Variants in RNF213 observed in about 807,000 individuals in gnomAD.
RNF213 encodes the protein ring finger protein 213.
Under a neutral mutation model 514.4 loss-of-function variants are expected in RNF213, and 341 were observed. The observed-to-expected ratio is 0.66, with a 90% CI of 0.61 to 0.73. RNF213 has a LOEUF of 0.73. Among genes scored for constraint, RNF213 ranks in the 30% least tolerant of loss-of-function variants. The probability of loss-of-function intolerance (pLI) is 0.00; values close to 1 mark genes in which losing one functional copy is unlikely to be tolerated. For missense variants in RNF213, 5,767 were observed against 6,615.6 expected (o/e 0.87, Z 4.45); for synonymous variants, 2,655 against 2,658.2 (o/e 1.00, Z 0.04).
Position 80,383,818 on chromosome 17 carries a change from T to C in RNF213, c.14212T>C (p.Ser4738Pro). 6.2e-7 allele frequency: 1 copy of C among 1,614,066 alleles called. No individual in the cohort carries two copies. The highest frequency in any genetic ancestry group is 1.1e-5 in the South Asian group (1 of 91,076). ...HLPRKSVVHC[S>P]KIWSCRKRIT... Reference sequence around the variant, plus strand: ...GCCCCGGAAAAGTGTGGTCCATTGCTCTAAGATTTGGAGCTGCAGGAAAAG... The same window carrying C: ...GCCCCGGAAAAGTGTGGTCCATTGCCCTAAGATTTGGAGCTGCAGGAAAAG... Residue 4738 changes from serine to proline, a missense_variant, in exon 59 of 68, where the codon TCT (serine) becomes CCT (proline). By Grantham distance (74) the Ser-to-Pro change is moderately conservative (BLOSUM62 -1). Transcript: ENST00000582970.
At chr17:80,293,717 C>T (rs10459966) in intron 8 of RNF213, among the ~76,000 whole-genome samples, 8,007 of 152,084 alleles carry the variant, frequency 0.053, 380 homozygotes, top group East Asian at 0.17. Flanking sequence ...GTCCCAGCTA[C>T]TCGGGAGGCT....
Position 80,377,872 on chromosome 17 carries a change from GGA to G in RNF213, c.13545+80_13545+81del. 3 of 1,529,688 alleles carry G rather than the reference GGA, an allele frequency of 2.0e-6. No homozygotes were observed. Among genetic ancestry groups the G allele is most frequent in the Non-Finnish European group, 2.7e-6 (3 of 1,103,598 alleles). The allele number at this position is 1,529,688 out of a possible 1,614,324, so 94.8% of individuals were successfully genotyped here. A position where few individuals can be genotyped will look rare whatever the true frequency, so the allele number is the denominator to read the frequency against. On this transcript the variant is annotated intron_variant, in intron 54 of 67. Coordinates refer to ENST00000582970, the MANE Select transcript of RNF213 (RefSeq NM_001256071.3). The surrounding 1 kb of genome is among the most constrained non-coding windows in gnomAD (Gnocchi z 4.1). ...GTTGGAGGAGGGGGATCGTGGGTCA[GGA>G]GAGTGAGGCTCTCGGCCTTCCAGGA... is the stretch of plus-strand genomic sequence containing the variant.
intron 8 of RNF213, among the ~76,000 whole-genome samples, chr17:80,292,543 C>T (rs2044769025): frequency 6.6e-6 from 1 of 152,182 alleles, no homozygotes; most frequent in Non-Finnish European, 1.5e-5. Context: ...CTGGAGATGA[C>T]ATCCAGAGCC....
chr17:80,289,595 A>G, intron 5 of RNF213, 64 bp from the exon 6 acceptor site: 3 of 1,415,550 alleles, frequency 2.1e-6, no homozygotes, highest in African/African-American at 2.9e-5. Context: ...TGTCTCAGAA[A>G]AAAAAAAAAA....
At position 80,288,876 on chromosome 17, in the gene RNF213, G is replaced by A; in HGVS notation, c.933+121G>A. 6.5e-7 allele frequency: 1 copy of A among 1,545,568 alleles called. No homozygotes were observed. Among genetic ancestry groups the A allele is most frequent in the Non-Finnish European group, 8.8e-7 (1 of 1,131,556 alleles). On this transcript the variant is annotated intron_variant, in intron 5 of 67. Transcript: ENST00000582970. This position sits in a 1 kb window ranked among gnomAD's most constrained non-coding sequence, Gnocchi z 4.9. ...GGGATATAGCCATGATTCAGACAAA[G>A]CTCTGGCCTTCGGGGTGCTCACATT...
intron 31 of RNF213, among the ~76,000 whole-genome samples, chr17:80,351,040 C>T (rs1218735071): frequency 6.6e-6 from 1 of 152,108 alleles, no homozygotes; most frequent in Non-Finnish European, 1.5e-5. Flanking sequence ...TAACTTTGTG[C>T]CTTTATTACT....
chr17:80,354,203 C>A (rs748731097), intron 35 of RNF213, 37 bp downstream of exon 35: 1 of 1,608,368 alleles, frequency 6.2e-7, no homozygotes, highest in Non-Finnish European at 8.5e-7. Context: ...CCTGCCCCCA[C>A]GTGGGCTCTT....
chr17:80,362,879 G>A (rs1253477675), intron 39 of RNF213, among the ~76,000 whole-genome samples: 1 of 152,224 alleles, frequency 6.6e-6, no homozygotes, highest in Non-Finnish European at 1.5e-5. Context: ...CATAGGGAAA[G>A]TTCATGATGT....
chr17:80,390,891 G>A (rs2080441141), intron 67 of RNF213, among the ~76,000 whole-genome samples: 1 of 151,766 alleles, frequency 6.6e-6, no homozygotes, highest in Non-Finnish European at 1.5e-5. Flanking sequence ...GTGAAACTCT[G>A]TTTCTACTAA....
At chr17:80,381,011 A>G (rs534324003) in intron 56 of RNF213, 24 bp downstream of exon 56, 5 of 1,613,242 alleles carry the variant, frequency 3.1e-6, no homozygotes, top group Admixed American at 1.7e-5. Flanking sequence ...CTGCCAAACA[A>G]TGGGCTCAGT....
Position 80,263,807 on chromosome 17 carries a change from G to T in RNF213, c.97+29G>T. ...AGGCCCAGGGGTGCTGGTGGAGGCT[G>T]GGGCAGTGGGGACCCCTGGAGATGT... On this transcript the variant is annotated intron_variant, in intron 2 of 67. Transcript: ENST00000582970. This position sits in a 1 kb window ranked among gnomAD's most constrained non-coding sequence, Gnocchi z 4.9. 1.3e-6 allele frequency: 2 copies of T among 1,596,544 alleles called. No individual in the cohort carries two copies. The highest frequency in any genetic ancestry group is 1.7e-6 in the Non-Finnish European group (2 of 1,164,106).
chr17:80,304,936 G>T (rs1172546364), intron 11 of RNF213, among the ~76,000 whole-genome samples: 3 of 152,112 alleles, frequency 2.0e-5, no homozygotes, highest in Non-Finnish European at 4.4e-5. Flanking sequence ...CTTCTCTGGG[G>T]ACCTCACGTG....
chr17:80,323,978 C>CTT lies in RNF213; in HGVS notation c.3025-1052_3025-1051insTT, dbSNP rs529834863. Among the ~76,000 whole-genome samples the CTT allele has an allele frequency of 1.2e-3, 181 of 149,682 alleles. 2 individuals carry two copies. Among genetic ancestry groups the CTT allele is most frequent in the African/African-American group, 4.2e-3 (172 of 40,934 alleles). On this transcript the variant is annotated intron_variant, in intron 17 of 67. Transcript: ENST00000582970. ...CATTTGGTAGCTCAAATTGTGTGTGCGTGTGTGTGTGTGTGTGCATGAGAG... is the reference window on the plus strand; with the variant it reads ...CATTTGGTAGCTCAAATTGTGTGTGCTTGTGTGTGTGTGTGTGTGCATGAGAG...
Position 80,386,711 on chromosome 17 carries a change from G to C in RNF213, c.14742G>C (p.Glu4914Asp). The C allele has an allele frequency of 1.9e-6, 3 of 1,614,170 alleles. No homozygotes were observed. The highest frequency in any genetic ancestry group is 2.5e-6 in the Non-Finnish European group (3 of 1,180,038). Residue 4914 changes from glutamate to aspartate, a missense_variant, in exon 63 of 68, where the codon GAG (glutamate) becomes GAC (aspartate). Transcript: ENST00000582970. ...TCAGCTATTCCGTGGATGCCGCCGA[G>C]GTCACTGAACTGCATGTCATCAGTT... is the stretch of plus-strand genomic sequence containing the variant. ...ENNSYSVDAAEVTELHVISYE... is the reference protein window; with the variant it reads ...ENNSYSVDAADVTELHVISYE...
At position 80,343,153 on chromosome 17, in the gene RNF213, G is replaced by A. The variant is rs933289399; in HGVS notation, c.6011G>A (p.Arg2004Lys). Residue 2004 changes from arginine to lysine, a missense_variant, in exon 27 of 68, where the codon AGG becomes AAG. Transcript: ENST00000582970. The surrounding 1 kb of genome is among the most constrained non-coding windows in gnomAD (Gnocchi z 4.3). The stretch of plus-strand genomic sequence containing the variant: ...ATAGGAAAGTCTCTGTACGTGAAGA[G>A]GTTGCACGACAAAATGAAGATGCAG... The part of the protein sequence containing the change: ...AGVGKSLYVK[R>K]LHDKMKMQLN... The A allele has an allele frequency of 1.9e-6, 3 of 1,613,938 alleles. No homozygotes were observed. In the African/African-American group the frequency reaches 4.0e-5, roughly 22 times the overall value.
chr17:80,380,843 C>T lies in RNF213; in HGVS notation c.13653C>T (p.Asp4551=). ...TCGTTCTTTCCAGAGACAAGGCAGACAGAACGCAGACCGGCCACGTGCTGG... is the reference window on the plus strand; with the variant it reads ...TCGTTCTTTCCAGAGACAAGGCAGATAGAACGCAGACCGGCCACGTGCTGG... ...DGFHLVKDKA[D]RTQTGHVLGN... Residue 4551 remains aspartate (D), a synonymous_variant, in exon 56 of 68, where the codon GAC becomes GAT. Coordinates refer to ENST00000582970, the MANE Select transcript of RNF213 (RefSeq NM_001256071.3). 6.2e-7 allele frequency: 1 copy of T among 1,614,216 alleles called. No individual in the cohort carries two copies. The highest frequency in any genetic ancestry group is 2.2e-5 in the East Asian group (1 of 44,878).
At chr17:80,274,259 G>C (rs909672946) in intron 3 of RNF213, among the ~76,000 whole-genome samples, 4 of 151,990 alleles carry the variant, frequency 2.6e-5, no homozygotes, top group Admixed American at 1.3e-4. Flanking sequence ...GGCTCCCTCT[G>C]GCCTTGAACA....
rs1342566520 is a variant in RNF213 at position 80,388,671 on chromosome 17, C to T, written c.14982C>T (p.Ile4994=). ...DWNYEHLFMD[I]KNKMAQDSLP... Reference sequence around the variant, plus strand: ...ACTATGAACATCTCTTTATGGACATCAAGAACAAAATGGCACAGGTGATCC... The same window carrying T: ...ACTATGAACATCTCTTTATGGACATTAAGAACAAAATGGCACAGGTGATCC... Residue 4994 remains isoleucine (I), a synonymous_variant, in exon 64 of 68, where the codon ATC becomes ATT. Coordinates refer to ENST00000582970, the MANE Select transcript of RNF213 (RefSeq NM_001256071.3). 6.2e-7 allele frequency: 1 copy of T among 1,611,122 alleles called. No individual in the cohort carries two copies. The highest frequency in any genetic ancestry group is 8.5e-7 in the Non-Finnish European group (1 of 1,177,830).
intron 11 of RNF213, among the ~76,000 whole-genome samples, chr17:80,300,295 G>T (rs1479880534): frequency 6.6e-6 from 1 of 151,792 alleles, no homozygotes; most frequent in Non-Finnish European, 1.5e-5. Flanking sequence ...GACAGAGTCT[G>T]GCTCTGTCAC....
Sources: gnomAD v4.1 joint callset for allele counts (sites outside exome capture counted in the v4.1 genomes callset) on GRCh38, gnomAD v4.1.1 for gene constraint, Gnocchi (gnomAD v3.1) non-coding constraint, MANE v1.5 for transcripts, NCBI Gene and HGNC (gene_info 2026-07-23, HGNC 2026-07-21) for gene names.